The following SUPT3H variants were observed in gnomAD, a reference collection of about 807,000 sequenced individuals.
The protein encoded by SUPT3H is SPT3 homolog, SAGA and STAGA complex component.
In SUPT3H, 44 loss-of-function variants were observed where a neutral mutation model predicts 44.3. The observed-to-expected ratio is 0.99, with a 90% CI of 0.78 to 1.28. The LOEUF is 1.28. SUPT3H is among the 50% of genes most tolerant of loss of function. SUPT3H has a pLI of 0.00. For synonymous variants in SUPT3H, 124 were observed against 125.6 expected, an observed-to-expected ratio of 0.99 and a Z score of 0.09; for missense variants, 380 against 387.1, an observed-to-expected ratio of 0.98 and a Z score of 0.15.
Position 45,151,509 on chromosome 6 carries a change from A to G in SUPT3H, c.102-45503T>C, listed in dbSNP as rs73738613. ...TGTAGCCATTTAAGACTATCACACA[A>G]AGACTAGATTATAATGGAGTGAAGC... is the stretch of plus-strand genomic sequence containing the variant. On this transcript the variant is annotated intron_variant, in intron 2 of 10. Coordinates refer to ENST00000371459, the MANE Select transcript of SUPT3H (RefSeq NM_003599.4). 9.8e-3 allele frequency among the ~76,000 whole-genome samples: 1,493 copies of G among 152,254 alleles called. 34 individuals carry two copies. Among genetic ancestry groups the G allele is most frequent in the African/African-American group, 0.034 (1,406 of 41,546 alleles).
At chr6:44,910,294 T>C (rs912536789) in intron 10 of SUPT3H, among the ~76,000 whole-genome samples, 2 of 152,200 alleles carry the variant, frequency 1.3e-5, no homozygotes, top group Non-Finnish European at 2.9e-5. Context: ...TGTCATGCCT[T>C]CATTCCCAGT....
At chr6:44,954,382 G>T in intron 8 of SUPT3H, 113 bp downstream of exon 8, 1 of 808,616 alleles carries the variant, frequency 1.2e-6, no homozygotes. Context: ...CCACAGGAGA[G>T]AATTCATGGC....
intron 10 of SUPT3H, among the ~76,000 whole-genome samples, chr6:44,852,443 T>A (rs1314721928): frequency 3.9e-5 from 6 of 152,096 alleles, no homozygotes; most frequent in Non-Finnish European, 8.8e-5. Flanking sequence ...CAGGGCTCTA[T>A]TTTTACATTT....
At chr6:44,849,163 CATGTAT>C (rs1772407503) in intron 10 of SUPT3H, among the ~76,000 whole-genome samples, 1 of 151,394 alleles carries the variant, frequency 6.6e-6, no homozygotes, top group African/African-American at 2.4e-5. Flanking sequence ...TGTTTCTTGC[CATGTAT>C]ATGACTTTTC....
At chr6:45,199,215 T>C (rs1406905705) in intron 2 of SUPT3H, among the ~76,000 whole-genome samples, 2 of 151,294 alleles carry the variant, frequency 1.3e-5, no homozygotes, top group Non-Finnish European at 3.0e-5. Context: ...ATATATGTGA[T>C]TAATGAATGC....
At chr6:45,356,252 A>G (rs1254745553) in intron 2 of SUPT3H, among the ~76,000 whole-genome samples, 1 of 152,120 alleles carries the variant, frequency 6.6e-6, no homozygotes, top group Non-Finnish European at 1.5e-5. Flanking sequence ...TGTCCAAAAA[A>G]GATATATTTG....
At chr6:44,925,138 A>T (rs1037845556) in intron 10 of SUPT3H, among the ~76,000 whole-genome samples, 14 of 152,208 alleles carry the variant, frequency 9.2e-5, no homozygotes, top group African/African-American at 3.4e-4. Flanking sequence ...TAAACTAATG[A>T]TATGAAAACA....
rs150554243 is a variant in SUPT3H at position 45,346,250 on chromosome 6, G to T, written c.101+18951C>A. 5.0e-3 allele frequency among the ~76,000 whole-genome samples: 762 copies of T among 152,112 alleles called. 28 individuals carry two copies. Among genetic ancestry groups the T allele is most frequent in the East Asian group, 4.4e-3 (23 of 5,176 alleles). On this transcript the variant is annotated intron_variant, in intron 2 of 10. Coordinates refer to ENST00000371459, the MANE Select transcript of SUPT3H (RefSeq NM_003599.4). ...AAATATATATAATTCTACTAGACAG[G>T]TGATACTGAAGTTTTTAAATTGCAA...
intron 2 of SUPT3H, among the ~76,000 whole-genome samples, chr6:45,131,537 C>T (rs1405584942): frequency 2.0e-5 from 3 of 151,894 alleles, no homozygotes; most frequent in East Asian, 1.9e-4. Context: ...TTCTAACATA[C>T]ATATTAACAG....
At chr6:45,157,161 T>C (rs920343486) in intron 2 of SUPT3H, among the ~76,000 whole-genome samples, 3 of 152,194 alleles carry the variant, frequency 2.0e-5, no homozygotes, top group African/African-American at 4.8e-5. Context: ...GGACTATGTT[T>C]ATATACAACA....
At chr6:45,039,537 TGA>T (rs758207230) in intron 3 of SUPT3H, among the ~76,000 whole-genome samples, 52 of 152,232 alleles carry the variant, frequency 3.4e-4, no homozygotes, top group Non-Finnish European at 6.2e-4. Flanking sequence ...TCCAGCAATT[TGA>T]GAGGCTAAGG....
At chr6:44,993,144 C>T (rs1264639685) in intron 6 of SUPT3H, among the ~76,000 whole-genome samples, 1 of 152,070 alleles carries the variant, frequency 6.6e-6, no homozygotes, top group African/African-American at 2.4e-5. Flanking sequence ...GCCTGGGGAA[C>T]AGAAGGAGAC....
chr6:45,088,987 A>T (rs1292161555), intron 3 of SUPT3H, among the ~76,000 whole-genome samples: 1 of 152,084 alleles, frequency 6.6e-6, no homozygotes, highest in East Asian at 1.9e-4. Context: ...TCTTTACCAG[A>T]ATAAGATGTA....
At chr6:45,325,024 T>C (rs1275779125) in intron 2 of SUPT3H, among the ~76,000 whole-genome samples, 2 of 151,642 alleles carry the variant, frequency 1.3e-5, no homozygotes, top group East Asian at 3.9e-4. Context: ...TAAACAGCTA[T>C]ACATCAAATC....
At chr6:45,281,491 T>C (rs4506035) in intron 2 of SUPT3H, among the ~76,000 whole-genome samples, 46,533 of 152,090 alleles carry the variant, frequency 0.31, 8,778 homozygotes, top group East Asian at 0.57. Context: ...GCCTCGCTCA[T>C]TGCTAGCACA....
At chr6:45,194,194 T>A (rs1815624661) in intron 2 of SUPT3H, among the ~76,000 whole-genome samples, 1 of 152,154 alleles carries the variant, frequency 6.6e-6, no homozygotes, top group South Asian at 2.1e-4. Flanking sequence ...AAATTTACAT[T>A]TTTTCCATCA....
intron 10 of SUPT3H, among the ~76,000 whole-genome samples, chr6:44,844,934 C>T (rs1274589493): frequency 6.6e-6 from 1 of 152,106 alleles, no homozygotes; most frequent in Non-Finnish European, 1.5e-5. Context: ...AAACCCCCCC[C>T]ACAATAATGC....
chr6:45,103,914 A>C (rs1301223952), intron 3 of SUPT3H, among the ~76,000 whole-genome samples: 2 of 152,184 alleles, frequency 1.3e-5, no homozygotes, highest in African/African-American at 4.8e-5. Flanking sequence ...TGTAGGTCAG[A>C]AAATATTAGA....
chr6:45,182,026 T>C (rs1035960341), intron 2 of SUPT3H, among the ~76,000 whole-genome samples: 1 of 152,164 alleles, frequency 6.6e-6, no homozygotes, highest in East Asian at 1.9e-4. Flanking sequence ...CCTTTTTCTC[T>C]GAACATAATC....
Sources: allele counts gnomAD v4.1 joint callset (sites outside exome capture counted in the v4.1 genomes callset), GRCh38; gene constraint gnomAD v4.1.1; transcripts MANE v1.5; gene names NCBI Gene and HGNC (gene_info 2026-07-23, HGNC 2026-07-21).